The following CLCN2 variants were observed in gnomAD, a reference collection of about 807,000 sequenced individuals.
CLCN2 encodes chloride channel protein 2.
In CLCN2, 72 loss-of-function variants were observed where a neutral mutation model predicts 108.3. The observed-to-expected ratio is 0.66, with a 90% CI of 0.55 to 0.81. The LOEUF (loss-of-function observed/expected upper bound fraction) is 0.81. Ranked by LOEUF, CLCN2 falls within the 30% of genes least tolerant of loss-of-function variation. The pLI, the probability that CLCN2 is intolerant of heterozygous loss-of-function variation, is 0.00. For synonymous variants in CLCN2, 471 were observed against 467.1 expected, an observed-to-expected ratio of 1.01 and a Z score of -0.11; for missense variants, 1,048 against 1,205.2, an observed-to-expected ratio of 0.87 and a Z score of 1.93.
intron 14 of CLCN2, 65 bp from the exon 15 acceptor site, chr3:184,354,379 G>A: frequency 6.5e-7 from 1 of 1,540,774 alleles, no homozygotes; most frequent in Non-Finnish European, 8.9e-7. Flanking sequence ...CACAACCAGG[G>A]CAGGTCCTGA....
At chr3:184,357,882 C>T (rs376612300) in intron 5 of CLCN2, 26 bp from the exon 6 acceptor site, 14 of 1,613,360 alleles carry the variant, frequency 8.7e-6, no homozygotes, top group African/African-American at 6.7e-5. Context: ...GGCGGTGAGT[C>T]GGGAGGGGGC....
chr3:184,361,358 G>A lies in CLCN2; in HGVS notation c.63+59C>T. ...GGCCCCTGGTCCTCGCGCTTCCCAG[G>A]GTAACCTGGAGCAGGGGTCCCGGAG... On this transcript the variant is annotated intron_variant, in intron 1 of 23. Coordinates refer to ENST00000265593, the MANE Select transcript of CLCN2 (RefSeq NM_004366.6). The surrounding 1 kb of genome is among the most constrained non-coding windows in gnomAD (Gnocchi z 6.6). 1 of 1,568,982 alleles carries A rather than the reference G, an allele frequency of 6.4e-7. No individual in the cohort carries two copies. Among genetic ancestry groups the A allele is most frequent in the Non-Finnish European group, 8.8e-7 (1 of 1,139,530 alleles).
chr3:184,353,886 A>C, intron 15 of CLCN2, 91 bp from the exon 16 acceptor site: 2 of 1,550,992 alleles, frequency 1.3e-6, no homozygotes, highest in African/African-American at 2.7e-5. Context: ...AGGGCTCCAG[A>C]GCCCATCCAT....
At chr3:184,349,821 G>C (rs1231121443) in intron 22 of CLCN2, among the ~76,000 whole-genome samples, 2 of 152,184 alleles carry the variant, frequency 1.3e-5, no homozygotes, top group Non-Finnish European at 2.9e-5. Flanking sequence ...GTAAGGATTT[G>C]GGTTCAGTTG....
Position 184,354,673 on chromosome 3 carries a change from G to A in CLCN2, c.1397-15C>T, listed in dbSNP as rs778976747. 7 of 1,139,670 alleles carry A rather than the reference G, an allele frequency of 6.1e-6. No homozygotes were observed. The South Asian group carries it at 8.5e-5, about 14-fold the overall frequency. 70.6% of individuals were successfully genotyped at this position (1,139,670 alleles called of 1,614,324 possible). On this transcript the variant is annotated splice_polypyrimidine_tract_variant and intron_variant, in intron 13 of 23. Coordinates refer to ENST00000265593, the MANE Select transcript of CLCN2 (RefSeq NM_004366.6). ...AAATGCTGCTCCTTCAGGGAGGGGGGTGGGAAGAGAAAGAGGCAGTGGAGG... is the reference window on the plus strand; with the variant it reads ...AAATGCTGCTCCTTCAGGGAGGGGGATGGGAAGAGAAAGAGGCAGTGGAGG...
In CLCN2 at chr3:184,354,597, A is replaced by G. The variant is rs747154449; in HGVS notation, c.1458T>C (p.His486=). The G allele has an allele frequency of 3.1e-6, 5 of 1,607,732 alleles. No individual in the cohort carries two copies. The South Asian group carries it at 5.5e-5, about 18-fold the overall frequency. The change falls in exon 14 of 24, where the codon CAT becomes CAC. Residue 486 remains histidine (H), a synonymous_variant. Transcript: ENST00000265593. ...CAATCCGGTAGGTGCTGCTGTCCGT[A>G]TGAATTCCATCTGGGAACCAGGCAG... ...SMAAWFPDGI[H]TDSSTYRIVP... is the part of the protein sequence containing the mutation.
chr3:184,355,754 C>A lies in CLCN2; in HGVS notation c.1110G>T (p.Val370=). 6 of 1,614,176 alleles carry A rather than the reference C, an allele frequency of 3.7e-6. No homozygotes were observed. Among genetic ancestry groups the A allele is most frequent in the African/African-American group, 1.3e-5 (1 of 75,054 alleles). The change falls in exon 11 of 24, where the codon GTG becomes GTT. Residue 370 remains valine (V), a synonymous_variant. Transcript: ENST00000265593. This position sits in a 1 kb window ranked among gnomAD's most constrained non-coding sequence, Gnocchi z 6.3. The part of the protein sequence containing the change: ...MRKRLLFPAL[V]TLLISTLTFP... ...AGGTCAGCGTGGAGATGAGCAGGGT[C>A]ACCAGAGCCGGGAAGAGCAGGCGTC...
At chr3:184,351,594 A>C (rs1728099416) in intron 22 of CLCN2, among the ~76,000 whole-genome samples, 1 of 151,876 alleles carries the variant, frequency 6.6e-6, no homozygotes. Flanking sequence ...CCCTACTTGG[A>C]TGTTTGTTGG....
At chr3:184,354,007 TAGGCTCC>T in intron 15 of CLCN2, 87 bp downstream of exon 15, 1 of 1,426,368 alleles carries the variant, frequency 7.0e-7, no homozygotes, top group Non-Finnish European at 9.7e-7. Context: ...CCCAGCTTCG[TAGGCTCC>T]AGGACCTTGC....
chr3:184,354,097 G>T lies in CLCN2; in HGVS notation c.1721+4C>A, dbSNP rs374265846. 1 of 1,611,392 alleles carries T rather than the reference G, an allele frequency of 6.2e-7. No homozygotes were observed. Among genetic ancestry groups the T allele is most frequent in the Non-Finnish European group, 8.5e-7 (1 of 1,179,490 alleles). On this transcript the variant is annotated splice_donor_region_variant and intron_variant, in intron 15 of 23. Coordinates refer to ENST00000265593, the MANE Select transcript of CLCN2 (RefSeq NM_004366.6). ...CAGCCCCCTTGGCACCCAGCCCTCC[G>T]TACTGGTGGCGGCCCCAGCCGAGCT...
chr3:184,356,088 C>T (rs1414922893), intron 10 of CLCN2: 13 of 412,186 alleles, frequency 3.2e-5, no homozygotes, highest in Non-Finnish European at 6.0e-5. Flanking sequence ...ACCCTCCACC[C>T]TCAGAAGCCC....
At chr3:184,359,771 C>T (rs1711727011) in intron 1 of CLCN2, among the ~76,000 whole-genome samples, 1 of 152,194 alleles carries the variant, frequency 6.6e-6, no homozygotes, top group Non-Finnish European at 1.5e-5. Flanking sequence ...CAGCCCCATT[C>T]TGGAGCTGCA....
Position 184,355,515 on chromosome 3 carries a change from C to T in CLCN2, c.1185G>A (p.Glu395=), listed in dbSNP as rs144322859. The T allele has an allele frequency of 1.2e-6, 2 of 1,614,126 alleles. No individual in the cohort carries two copies. Among genetic ancestry groups the T allele is most frequent in the African/African-American group, 1.3e-5 (1 of 75,038 alleles). The change falls in exon 12 of 24, where the codon GAG becomes GAA. Residue 395 remains glutamate (E), a synonymous_variant. Coordinates refer to ENST00000265593, the MANE Select transcript of CLCN2 (RefSeq NM_004366.6). This position sits in a 1 kb window ranked among gnomAD's most constrained non-coding sequence, Gnocchi z 6.3. ...GATTGTCAAACAGGGTGACCAGCGT[C>T]TCTTTCTGTGAGAGCTAGAGTGAAC... ...QFMAGQLSQK[E]TLVTLFDNRT...
intron 14 of CLCN2, 82 bp from the exon 15 acceptor site, chr3:184,354,396 C>A: frequency 6.9e-7 from 1 of 1,438,952 alleles, no homozygotes; most frequent in South Asian, 1.2e-5. Flanking sequence ...CTGAGTGGGT[C>A]CCTCAGGGCT....
rs189868847 is a variant in CLCN2 at position 184,357,875 on chromosome 3, G to A, written c.616-19C>T. 1,576 of 1,613,644 alleles carry A rather than the reference G, an allele frequency of 9.8e-4. 2 individuals are homozygous for A. The highest frequency in any genetic ancestry group is 1.7e-3 in the African/African-American group (124 of 75,066). ...AAGGGCCCTGCGGGGTGGGGCAGGC[G>A]GTGAGTCGGGAGGGGGCCCGCCCTG... On this transcript the variant is annotated intron_variant, in intron 5 of 23. Transcript: ENST00000265593.
In CLCN2 at chr3:184,354,668, G is replaced by C. The variant is rs752279839; in HGVS notation, c.1397-10C>G. On this transcript the variant is annotated splice_polypyrimidine_tract_variant and intron_variant, in intron 13 of 23. Transcript: ENST00000265593. ...CGCCCAAATGCTGCTCCTTCAGGGA[G>C]GGGGGTGGGAAGAGAAAGAGGCAGT... 6 of 1,490,162 alleles carry C rather than the reference G, an allele frequency of 4.0e-6. No individual in the cohort carries two copies. The highest frequency in any genetic ancestry group is 1.8e-4 in the Middle Eastern group (1 of 5,652). The allele number at this position is 1,490,162 out of a possible 1,614,324, so 92.3% of individuals were successfully genotyped here.
chr3:184,353,542 C>T (rs1409921450), intron 16 of CLCN2, 120 bp from the exon 17 acceptor site: 7 of 1,551,076 alleles, frequency 4.5e-6, no homozygotes, highest in Non-Finnish European at 6.1e-6. Flanking sequence ...AAGCCCCCAC[C>T]TGGCAAGTGC....
At chr3:184,357,591 G>A (rs764238130) in intron 7 of CLCN2, 29 bp downstream of exon 7, 14 of 1,613,860 alleles carry the variant, frequency 8.7e-6, no homozygotes, top group Non-Finnish European at 1.2e-5. Flanking sequence ...AGGGTTGTGG[G>A]GCTGGACTGA....
chr3:184,352,603 C>T lies in CLCN2; in HGVS notation c.2218-107G>A, dbSNP rs1577310079. On this transcript the variant is annotated intron_variant, in intron 19 of 23. Coordinates refer to ENST00000265593, the MANE Select transcript of CLCN2 (RefSeq NM_004366.6). ...CCAGGGGAAAGGGCACGCCACAGGA[C>T]CTGAGCTGACAGCAGGGAGGGCCGA... 4.8e-6 allele frequency: 7 copies of T among 1,447,254 alleles called. No individual in the cohort carries two copies. In the East Asian group the frequency reaches 1.6e-4, roughly 33 times the overall value. 89.7% of individuals were successfully genotyped at this position (1,447,254 alleles called of 1,614,324 possible).
Sources: gnomAD v4.1 joint callset for allele counts (sites outside exome capture counted in the v4.1 genomes callset) on GRCh38, gnomAD v4.1.1 for gene constraint, Gnocchi (gnomAD v3.1) non-coding constraint, MANE v1.5 for transcripts, NCBI Gene and HGNC (gene_info 2026-07-23, HGNC 2026-07-21) for gene names.